The following PEX26 variants were observed in gnomAD, a reference collection of about 807,000 sequenced individuals.
PEX26 encodes peroxisomal biogenesis factor 26.
Under a neutral mutation model 31.4 loss-of-function variants are expected in PEX26, and 18 were observed. That is an observed-to-expected ratio of 0.57 (90% CI 0.40 to 0.85). The LOEUF (loss-of-function observed/expected upper bound fraction) is 0.85. Among genes scored for constraint, PEX26 ranks in the 40% least tolerant of loss-of-function variants. The pLI, the probability that PEX26 is intolerant of heterozygous loss-of-function variation, is 0.00. For missense variants in PEX26, 377 were observed against 383.9 expected, an observed-to-expected ratio of 0.98 and a Z score of 0.15; for synonymous variants, 176 against 166.9, an observed-to-expected ratio of 1.05 and a Z score of -0.42.
At chr22:18,081,937 A>G (rs959705978) in intron 2 of PEX26, among the ~76,000 whole-genome samples, 8 of 151,844 alleles carry the variant, frequency 5.3e-5, no homozygotes, top group Non-Finnish European at 7.4e-5. Context: ...GTAGTGTCTC[A>G]TTGTGGTTTT....
rs362017 is a variant in PEX26 at position 18,100,171 on chromosome 22, G to A, written c.*12096G>A. On this transcript the variant is annotated 3_prime_UTR_variant, in exon 5 of 5. Coordinates refer to ENST00000399744, the MANE Select transcript of PEX26 (RefSeq NM_001127649.3). ...GCTCACGGCAACCTCCGCCTCCCAG[G>A]TTCAAGCAATTCTCCTGCCTCAGCC... The A allele has an allele frequency of 0.3, 46,290 of 151,918 alleles. 7,414 individuals are homozygous for A. Among genetic ancestry groups the A allele is most frequent in the East Asian group, 0.57 (2,931 of 5,126 alleles). The allele number at this position is 151,918 out of a possible 1,614,324, so 9.4% of individuals were successfully genotyped here.
Position 18,100,298 on chromosome 22 carries a change from C to T in PEX26, c.*12223C>T, listed in dbSNP as rs1392574502. ...CTGTGTTGGCCAGACTGGTCTCAAA[C>T]TCCTGATCTTGGGTGATCTGCCCTC... On this transcript the variant is annotated 3_prime_UTR_variant, in exon 5 of 5. Coordinates refer to ENST00000399744, the MANE Select transcript of PEX26 (RefSeq NM_001127649.3). 6.6e-6 allele frequency: 1 copy of T among 152,114 alleles called. No homozygotes were observed. The highest frequency in any genetic ancestry group is 1.5e-5 in the Non-Finnish European group (1 of 68,038). The allele number at this position is 152,114 out of a possible 1,614,324, so 9.4% of individuals were successfully genotyped here.
rs887562684 is a variant in PEX26 at position 18,098,588 on chromosome 22, T to G, written c.*10513T>G. On this transcript the variant is annotated 3_prime_UTR_variant, in exon 5 of 5. Transcript: ENST00000399744. ...CAGAGGTTGCAGTGAGCTGAGATCC[T>G]GCCACTGCACTCCAGTCTGGGCGAC... The G allele has an allele frequency of 2.7e-5, 4 of 150,664 alleles. No homozygotes were observed. The highest frequency in any genetic ancestry group is 9.8e-5 in the African/African-American group (4 of 40,860). The allele number at this position is 150,664 out of a possible 1,614,324, so 9.3% of individuals were successfully genotyped here. A position where few individuals can be genotyped will look rare whatever the true frequency, so the allele number is the denominator to read the frequency against.
At chr22:18,082,283 G>A (rs1180363955) in intron 2 of PEX26, among the ~76,000 whole-genome samples, 2 of 151,966 alleles carry the variant, frequency 1.3e-5, no homozygotes, top group East Asian at 3.9e-4. Flanking sequence ...AAAAACACTT[G>A]CTCAGCCCAG....
Position 18,079,877 on chromosome 22 carries a change from A to G in PEX26, c.234A>G (p.Ser78=), listed in dbSNP as rs1238005334. 1 of 1,614,124 alleles carries G rather than the reference A, an allele frequency of 6.2e-7. No homozygotes were observed. Among genetic ancestry groups the G allele is most frequent in the South Asian group, 1.1e-5 (1 of 91,086 alleles). ...HAVAEEPAGT[S]LEVKCSLCVV... ...AAATTGGTTTTTCTGCTGACAGCTCATTGGAGGTGAAGTGCTCCCTGTGTG... is the reference window on the plus strand; with the variant it reads ...AAATTGGTTTTTCTGCTGACAGCTCGTTGGAGGTGAAGTGCTCCCTGTGTG... The change falls in exon 2 of 5, where the codon TCA becomes TCG. Residue 78 remains serine, a synonymous_variant. Coordinates refer to ENST00000399744, the MANE Select transcript of PEX26 (RefSeq NM_001127649.3).
intron 2 of PEX26, among the ~76,000 whole-genome samples, chr22:18,081,245 TACACACACACAC>T (rs59081749): frequency 1.4e-5 from 2 of 138,024 alleles, no homozygotes; most frequent in Non-Finnish European, 3.2e-5. Flanking sequence ...TGTACACATA[TACACACACACAC>T]ACACACACAC....
Position 18,088,395 on chromosome 22 carries a change from AG to A in PEX26, c.*324del. Reference sequence around the variant, plus strand: ...ACATTCCATCTTCTTGGTGAAGGCAAGGGGTTGGTTCTTCAGGTCAGGATGT... The same window carrying A: ...ACATTCCATCTTCTTGGTGAAGGCAAGGGTTGGTTCTTCAGGTCAGGATGT... On this transcript the variant is annotated 3_prime_UTR_variant, in exon 5 of 5. Transcript: ENST00000399744. This position sits in a 1 kb window ranked among gnomAD's most constrained non-coding sequence, Gnocchi z 4.1. 6 of 454,120 alleles carry A rather than the reference AG, an allele frequency of 1.3e-5. No individual in the cohort carries two copies. Among genetic ancestry groups the A allele is most frequent in the South Asian group, 1.2e-4 (6 of 49,114 alleles). 28.1% of individuals were successfully genotyped at this position (454,120 alleles called of 1,614,324 possible). A position where few individuals can be genotyped will look rare whatever the true frequency, so the allele number is the denominator to read the frequency against.
At chr22:18,084,237 CTTT>C (rs362041) in intron 3 of PEX26, among the ~76,000 whole-genome samples, 358 of 95,344 alleles carry the variant, frequency 3.8e-3, no homozygotes, top group African/African-American at 0.012. Flanking sequence ...ATCTCTCTCT[CTTT>C]TTTTTTTTTT....
rs1225504082 is a variant in PEX26, at chr22:18,097,075, T to G, written c.*9000T>G. The stretch of plus-strand genomic sequence containing the variant: ...TCAGAACTCGTGAGAACTGACTCAC[T>G]ATCACAAGAACAACAGGGGAGAAAC... On this transcript the variant is annotated 3_prime_UTR_variant, in exon 5 of 5. Transcript: ENST00000399744. 1.3e-5 allele frequency: 2 copies of G among 152,090 alleles called. No individual in the cohort carries two copies. Among genetic ancestry groups the G allele is most frequent in the Non-Finnish European group, 2.9e-5 (2 of 68,032 alleles). The allele number at this position is 152,090 out of a possible 1,614,324, so 9.4% of individuals were successfully genotyped here.
At position 18,092,824 on chromosome 22, in the gene PEX26, G is replaced by GT. The variant is rs1458084627; in HGVS notation, c.*4749_*4750insT. 6.7e-5 allele frequency: 4 copies of GT among 59,354 alleles called. No homozygotes were observed. In the Admixed American group the frequency reaches 7.7e-4, roughly 11 times the overall value. The allele number at this position is 59,354 out of a possible 1,614,324, so 3.7% of individuals were successfully genotyped here. ...TAGTGGGACCCCATTTCTTTTTTTT[G>GT]GGGGGGGGGTGGGTTATAAAAGCCC... On this transcript the variant is annotated 3_prime_UTR_variant, in exon 5 of 5. Coordinates refer to ENST00000399744, the MANE Select transcript of PEX26 (RefSeq NM_001127649.3).
At position 18,097,759 on chromosome 22, in the gene PEX26, G is replaced by T. The variant is rs1927340052; in HGVS notation, c.*9684G>T. ...GGGTCTTACTACACTGACCAGGCTG[G>T]TGTTGAACTTGCCTCAAGTGATCCT... On this transcript the variant is annotated 3_prime_UTR_variant, in exon 5 of 5. Coordinates refer to ENST00000399744, the MANE Select transcript of PEX26 (RefSeq NM_001127649.3). 1 of 151,380 alleles carries T rather than the reference G, an allele frequency of 6.6e-6. No homozygotes were observed. Among genetic ancestry groups the T allele is most frequent in the East Asian group, 1.9e-4 (1 of 5,148 alleles). The allele number at this position is 151,380 out of a possible 1,614,324, so 9.4% of individuals were successfully genotyped here.
At chr22:18,081,900 G>A (rs997758779) in intron 2 of PEX26, among the ~76,000 whole-genome samples, 2 of 152,096 alleles carry the variant, frequency 1.3e-5, no homozygotes, top group Admixed American at 6.6e-5. Context: ...TTGTCTTTTT[G>A]ATAAGAGCTG....
At position 18,101,155 on chromosome 22, in the gene PEX26, G is replaced by A. The variant is rs1927440721; in HGVS notation, c.*13080G>A. 1 of 152,156 alleles carries A rather than the reference G, an allele frequency of 6.6e-6. No homozygotes were observed. Among genetic ancestry groups the A allele is most frequent in the Non-Finnish European group, 1.5e-5 (1 of 68,038 alleles). The allele number at this position is 152,156 out of a possible 1,614,324, so 9.4% of individuals were successfully genotyped here. ...TAAAAGAGACTTCTAGAAACAGTGG[G>A]ACTGTATCAGGATCAACAGAAGACT... On this transcript the variant is annotated 3_prime_UTR_variant, in exon 5 of 5. Coordinates refer to ENST00000399744, the MANE Select transcript of PEX26 (RefSeq NM_001127649.3).
chr22:18,097,328 A>G lies in PEX26; in HGVS notation c.*9253A>G, dbSNP rs1927326388. ...GCCCAGGCTGGAGTGCAGGGGTGTGATCTCGGCTCACTGCAAGCTCCGCCT... is the reference window on the plus strand; with the variant it reads ...GCCCAGGCTGGAGTGCAGGGGTGTGGTCTCGGCTCACTGCAAGCTCCGCCT... On this transcript the variant is annotated 3_prime_UTR_variant, in exon 5 of 5. Transcript: ENST00000399744. 3 of 146,260 alleles carry G rather than the reference A, an allele frequency of 2.1e-5. No homozygotes were observed. The highest frequency in any genetic ancestry group is 3.5e-3 in the Middle Eastern group (1 of 282). 9.1% of individuals were successfully genotyped at this position (146,260 alleles called of 1,614,324 possible).
At chr22:18,086,435 A>G (rs1360483553) in intron 4 of PEX26, among the ~76,000 whole-genome samples, 1 of 152,258 alleles carries the variant, frequency 6.6e-6, no homozygotes, top group Non-Finnish European at 1.5e-5. Flanking sequence ...TATGCTTTCA[A>G]GCATGGCCTT....
chr22:18,081,245 T>TACACCCACAC (rs1926581505), intron 2 of PEX26, among the ~76,000 whole-genome samples: 1 of 138,024 alleles, frequency 7.2e-6, no homozygotes. Context: ...TGTACACATA[T>TACACCCACAC]ACACACACAC....
intron 2 of PEX26, 150 bp downstream of exon 2, chr22:18,080,164 AT>A: frequency 1.2e-6 from 1 of 819,998 alleles, no homozygotes; most frequent in Non-Finnish European, 2.1e-6. Context: ...ACTTCCATAC[AT>A]AGCAATAAAG....
In PEX26 at chr22:18,083,446, A is replaced by T. The variant is rs781745366; in HGVS notation, c.381A>T (p.Leu127Phe). 1 of 1,614,006 alleles carries T rather than the reference A, an allele frequency of 6.2e-7. No homozygotes were observed. The highest frequency in any genetic ancestry group is 8.5e-7 in the Non-Finnish European group (1 of 1,180,020). Residue 127 changes from leucine to phenylalanine, a missense_variant, in exon 3 of 5, where the codon TTA (leucine) becomes TTT (phenylalanine). Leu to Phe is a conservative substitution (Grantham distance 22, BLOSUM62 0). Coordinates refer to ENST00000399744, the MANE Select transcript of PEX26 (RefSeq NM_001127649.3). ...TTTTTGGGGACTGCAGCATTCTTTT[A>T]TACAGCAAAATGCAAGAGCCTGGAG... The part of the protein sequence containing the change: ...PPKVLELCIL[L>F]YSKMQEPGAV...
At chr22:18,083,367 C>A in intron 2 of PEX26, 70 bp from the exon 3 acceptor site, 1 of 1,489,296 alleles carries the variant, frequency 6.7e-7, no homozygotes, top group Middle Eastern at 2.3e-4. Context: ...GCATAGTGGT[C>A]ATGGGAAATG....
Sources: allele counts gnomAD v4.1 joint callset (sites outside exome capture counted in the v4.1 genomes callset), GRCh38; gene constraint gnomAD v4.1.1; non-coding constraint Gnocchi (gnomAD v3.1); transcripts MANE v1.5; gene names NCBI Gene and HGNC (gene_info 2026-07-23, HGNC 2026-07-21).